The following KTN1 variants were observed in gnomAD, a reference collection of about 807,000 sequenced individuals.
KTN1 encodes the protein kinectin.
A neutral mutation model predicts 222.5 loss-of-function variants in KTN1; 130 were observed. The observed-to-expected ratio is 0.58, with a 90% CI of 0.51 to 0.68. The LOEUF is 0.68. Ranked by LOEUF, KTN1 falls within the 30% of genes least tolerant of loss-of-function variation. The pLI is 0.00. For missense variants in KTN1, 1,508 were observed against 1,500.4 expected (o/e 1.01, Z -0.08); for synonymous variants, 512 against 496.3 (o/e 1.03, Z -0.42).
intron 29 of KTN1, among the ~76,000 whole-genome samples, chr14:55,657,607 C>G (rs1367177764): frequency 6.6e-6 from 1 of 151,972 alleles, no homozygotes; most frequent in Non-Finnish European, 1.5e-5. Flanking sequence ...AGGTATCTCT[C>G]TACGATCATA....
At chr14:55,644,329 A>AC (rs2042081512) in intron 18 of KTN1, 2 of 700,568 alleles carry the variant, frequency 2.9e-6, no homozygotes, top group East Asian at 2.7e-5. Context: ...CAGTCCTTTT[A>AC]CCCCATGGAT....
At chr14:55,598,029 A>C (rs2035333262) in intron 1 of KTN1, among the ~76,000 whole-genome samples, 1 of 152,196 alleles carries the variant, frequency 6.6e-6, no homozygotes, top group South Asian at 2.1e-4. Context: ...GCTTGGAGTA[A>C]TTGAGGGGCC....
chr14:55,603,567 G>A (rs1359006334), intron 1 of KTN1, among the ~76,000 whole-genome samples: 1 of 152,188 alleles, frequency 6.6e-6, no homozygotes, highest in East Asian at 1.9e-4. Context: ...TCCCTTGAGA[G>A]TTCTTCATTT....
intron 32 of KTN1, chr14:55,661,999 A>G (rs1424575971): frequency 6.4e-6 from 1 of 157,138 alleles, no homozygotes; most frequent in Non-Finnish European, 1.4e-5. Flanking sequence ...ACTAAAAGTA[A>G]TGCCAGTATT....
At chr14:55,613,009 T>C (rs1420180848) in intron 2 of KTN1, among the ~76,000 whole-genome samples, 1 of 152,178 alleles carries the variant, frequency 6.6e-6, no homozygotes, top group Non-Finnish European at 1.5e-5. Flanking sequence ...CTAAATGATA[T>C]GGTAAGAATT....
chr14:55,603,261 T>C (rs1027639832), intron 1 of KTN1, among the ~76,000 whole-genome samples: 1 of 152,184 alleles, frequency 6.6e-6, no homozygotes, highest in Non-Finnish European at 1.5e-5. Flanking sequence ...TTCCATCTTA[T>C]TTCTCTGCAT....
At chr14:55,611,038 A>G (rs2037475857) in intron 1 of KTN1, among the ~76,000 whole-genome samples, 1 of 152,176 alleles carries the variant, frequency 6.6e-6, no homozygotes, top group African/African-American at 2.4e-5. Context: ...TTTGTGCAGT[A>G]TGGGGTGCCT....
chr14:55,667,195 C>A, intron 33 of KTN1, 46 bp from the exon 34 acceptor site: 1 of 1,142,958 alleles, frequency 8.7e-7, no homozygotes. Context: ...TTTTTAAAAA[C>A]ATTCTGTGAT....
chr14:55,673,733 T>A (rs2045651359), intron 40 of KTN1: 1 of 152,378 alleles, frequency 6.6e-6, no homozygotes, highest in Non-Finnish European at 1.5e-5. Context: ...CTCTATATAT[T>A]ACAAATATTA....
At chr14:55,634,263 A>T (rs941064053) in intron 8 of KTN1, among the ~76,000 whole-genome samples, 2 of 152,212 alleles carry the variant, frequency 1.3e-5, no homozygotes, top group African/African-American at 4.8e-5. Context: ...ACGTTTTCAG[A>T]AGACCAGTTT....
intron 7 of KTN1, among the ~76,000 whole-genome samples, chr14:55,631,347 T>TATATAC (rs2040502862): frequency 4.8e-5 from 6 of 125,572 alleles, no homozygotes; most frequent in African/African-American, 1.8e-4. Context: ...GGTTGATATA[T>TATATAC]ATATATATAT....
chr14:55,664,713 A>T (rs1595214262), intron 33 of KTN1, among the ~76,000 whole-genome samples: 1 of 152,130 alleles, frequency 6.6e-6, no homozygotes, highest in African/African-American at 2.4e-5. Context: ...CTCAAGTTGT[A>T]CCATTGGGTG....
intron 31 of KTN1, among the ~76,000 whole-genome samples, chr14:55,660,117 A>G (rs2043955121): frequency 1.3e-5 from 2 of 152,150 alleles, no homozygotes; most frequent in Non-Finnish European, 2.9e-5. Context: ...GTGGTAGCTC[A>G]CGCCTGTAAT....
chr14:55,594,536 G>C (rs545999728), intron 1 of KTN1, among the ~76,000 whole-genome samples: 1 of 148,644 alleles, frequency 6.7e-6, no homozygotes, highest in Non-Finnish European at 1.5e-5. Flanking sequence ...GTTTGGACTG[G>C]TATCCATTGT....
chr14:55,629,992 T>C lies in KTN1; in HGVS notation c.1116T>C (p.Val372=), dbSNP rs759288359. 2 of 1,602,878 alleles carry C rather than the reference T, an allele frequency of 1.2e-6. No individual in the cohort carries two copies. The highest frequency in any genetic ancestry group is 2.2e-5 in the South Asian group (2 of 90,754). Residue 372 remains valine (V), a synonymous_variant, in exon 7 of 44, where the codon GTT becomes GTC. Transcript: ENST00000395314. Reference sequence around the variant, plus strand: ...CAGAGAAAGAAAGAAGCAATGTGGTTATAACAAGGATGAAAGATCGAATTG... The same window carrying C: ...CAGAGAAAGAAAGAAGCAATGTGGTCATAACAAGGATGAAAGATCGAATTG... ...MMTEKERSNV[V]ITRMKDRIGT... is the part of the protein sequence containing the mutation.
chr14:55,583,374 C>T (rs2032180447), intron 1 of KTN1, among the ~76,000 whole-genome samples: 1 of 152,132 alleles, frequency 6.6e-6, no homozygotes, highest in Non-Finnish European at 1.5e-5. Flanking sequence ...AGTAGATACT[C>T]TGATAGGAAA....
chr14:55,607,010 G>A (rs1212195002), intron 1 of KTN1, among the ~76,000 whole-genome samples: 2 of 152,128 alleles, frequency 1.3e-5, no homozygotes, highest in East Asian at 3.8e-4. Flanking sequence ...TTATTATATA[G>A]ACAGTGTGGT....
At chr14:55,650,444 T>C in intron 23 of KTN1, 26 bp downstream of exon 23, 1 of 1,572,230 alleles carries the variant, frequency 6.4e-7, no homozygotes, top group Non-Finnish European at 8.7e-7. Context: ...GAACTGTGTT[T>C]TATGTTTTTG....
chr14:55,667,194 A>G (rs780899090), intron 33 of KTN1, 47 bp from the exon 34 acceptor site: 10 of 1,144,658 alleles, frequency 8.7e-6, no homozygotes, highest in Non-Finnish European at 7.6e-6. Context: ...TTTTTTAAAA[A>G]CATTCTGTGA....
Sources: gnomAD v4.1 joint callset for allele counts (sites outside exome capture counted in the v4.1 genomes callset) on GRCh38, gnomAD v4.1.1 for gene constraint, MANE v1.5 for transcripts, NCBI Gene and HGNC (gene_info 2026-07-23, HGNC 2026-07-21) for gene names.